The following UBN2 variants were observed in gnomAD, a reference collection of about 807,000 sequenced individuals.
The protein encoded by UBN2 is ubinuclein 2.
Under a neutral mutation model 120.2 loss-of-function variants are expected in UBN2, and 35 were observed. That is an observed-to-expected ratio of 0.29 (90% CI 0.22 to 0.39). The LOEUF (loss-of-function observed/expected upper bound fraction) is 0.39. Among genes scored for constraint, UBN2 ranks in the 10% least tolerant of loss-of-function variants. The pLI is 1.00. For missense variants in UBN2, 1,693 were observed against 1,663.2 expected, an observed-to-expected ratio of 1.02 and a Z score of -0.31; for synonymous variants, 661 against 648.7, an observed-to-expected ratio of 1.02 and a Z score of -0.29.
Position 139,258,506 on chromosome 7 carries a change from G to T in UBN2, c.682G>T (p.Ala228Ser). The change falls in exon 4 of 18, where the codon GCT becomes TCT. Residue 228 changes from alanine (A) to serine (S), a missense_variant. Ala to Ser is a moderately conservative substitution (Grantham distance 99, BLOSUM62 1). Around this residue, in one of 5 missense-constraint regions of UBN2, gnomAD observed 663 missense variants for 591.2 expected, o/e 1.12. Transcript: ENST00000473989. ...AATCTAGTATGATGAATTAGTTCCC[G>T]CTTCTCTAACAACAAAATATGGAGG... ...NSEAYDELVPASLTTKYGGFY... is the reference protein window; with the variant it reads ...NSEAYDELVPSSLTTKYGGFY... The T allele has an allele frequency of 1.3e-6, 2 of 1,593,316 alleles. No homozygotes were observed. The highest frequency in any genetic ancestry group is 2.3e-5 in the South Asian group (2 of 87,960).
chr7:139,240,408 T>G (rs1455617195), intron 2 of UBN2, among the ~76,000 whole-genome samples: 1 of 147,448 alleles, frequency 6.8e-6, no homozygotes, highest in Non-Finnish European at 1.5e-5. Context: ...TTTACAGATA[T>G]GAGCCACTGT....
chr7:139,239,580 A>G (rs1584984796), intron 2 of UBN2, among the ~76,000 whole-genome samples: 2 of 110,794 alleles, frequency 1.8e-5, no homozygotes, highest in East Asian at 5.0e-4. Flanking sequence ...TTTTTGAGGC[A>G]GAGTTTCACT....
In UBN2 at chr7:139,280,928, G is replaced by C. The variant is rs149465823; in HGVS notation, c.2068-1077G>C. ...CAAAGTGTTGGGATTACAGGCATGC[G>C]CCACTATGCCCAGCCAGTAGTCCTC... On this transcript the variant is annotated intron_variant, in intron 13 of 17. Transcript: ENST00000473989. Among the ~76,000 whole-genome samples, 17 of 152,320 alleles carry C rather than the reference G, an allele frequency of 1.1e-4. No homozygotes were observed. In the East Asian group the frequency reaches 3.3e-3, roughly 29 times the overall value.
At chr7:139,285,511 G>A (rs1797757152) in intron 15 of UBN2, among the ~76,000 whole-genome samples, 1 of 152,108 alleles carries the variant, frequency 6.6e-6, no homozygotes, top group African/African-American at 2.4e-5. Flanking sequence ...TAGGATTATG[G>A]AGAAGTCTGA....
chr7:139,294,679 A>G (rs532430186), intron 17 of UBN2, among the ~76,000 whole-genome samples: 9 of 152,276 alleles, frequency 5.9e-5, no homozygotes, highest in African/African-American at 2.2e-4. Flanking sequence ...CGTCTCTATT[A>G]AAAATACAAA....
chr7:139,313,298 A>G, the UBN2 span, among the ~76,000 whole-genome samples: 2 of 152,164 alleles, frequency 1.3e-5, no homozygotes, highest in Non-Finnish European at 2.9e-5. Flanking sequence ...TAAAGCTTTT[A>G]AAACTTCTCT....
chr7:139,255,246 A>C (rs766438343), intron 3 of UBN2, among the ~76,000 whole-genome samples: 2 of 152,250 alleles, frequency 1.3e-5, no homozygotes, highest in Non-Finnish European at 2.9e-5. Context: ...CTTTTATAGC[A>C]TTTAGGATAT....
intron 15 of UBN2, among the ~76,000 whole-genome samples, chr7:139,285,788 G>C (rs570291256): frequency 4.6e-5 from 7 of 151,610 alleles, no homozygotes; most frequent in Non-Finnish European, 8.8e-5. Context: ...TGTCGTCCAC[G>C]CTGGAGGGCA....
At position 139,293,227 on chromosome 7, in the gene UBN2, C is replaced by T; in HGVS notation, c.3670-5C>T. On this transcript the variant is annotated splice_region_variant and splice_polypyrimidine_tract_variant and intron_variant, in intron 15 of 17. Coordinates refer to ENST00000473989, the MANE Select transcript of UBN2 (RefSeq NM_173569.4). ...TATGTATTTTGACCCCTGGTTTCTG[C>T]ACAGTCCACAGCAGGAGCATCATTA... 6.2e-7 allele frequency: 1 copy of T among 1,612,940 alleles called. No individual in the cohort carries two copies. Among genetic ancestry groups the T allele is most frequent in the South Asian group, 1.1e-5 (1 of 91,052 alleles).
chr7:139,236,734 CTT>C (rs901816567), intron 1 of UBN2, among the ~76,000 whole-genome samples: 1 of 143,570 alleles, frequency 7.0e-6, no homozygotes. Context: ...TATGAACCAA[CTT>C]TTTTTTTTTT....
intron 8 of UBN2, among the ~76,000 whole-genome samples, chr7:139,270,265 A>G (rs969584284): frequency 3.3e-5 from 5 of 151,576 alleles, no homozygotes; most frequent in Non-Finnish European, 7.4e-5. Context: ...CATATAGCAG[A>G]AATACTTTTT....
Position 139,284,554 on chromosome 7 carries a change from G to T in UBN2, c.3649G>T (p.Val1217Leu), listed in dbSNP as rs777675572. Reference protein sequence around the residue: ...HRPSTASGSSVVTASVQSTAG... With the variant: ...HRPSTASGSSLVTASVQSTAG... ...ACCATCCACTGCCTCAGGGTCTTCA[G>T]TGGTAACAGCCAGTGTGCAGGTATG... Residue 1217 changes from valine to leucine, a missense_variant, in exon 15 of 18, where the codon GTG becomes TTG. By Grantham distance (32) the Val-to-Leu change is conservative. Around this residue, in one of 5 missense-constraint regions of UBN2, gnomAD observed 837 missense variants for 817.6 expected, o/e 1.02. Coordinates refer to ENST00000473989, the MANE Select transcript of UBN2 (RefSeq NM_173569.4). The T allele has an allele frequency of 1.2e-6, 2 of 1,611,908 alleles. No individual in the cohort carries two copies. Among genetic ancestry groups the T allele is most frequent in the East Asian group, 2.2e-5 (1 of 44,840 alleles).
the UBN2 span, among the ~76,000 whole-genome samples, chr7:139,322,812 A>T: frequency 6.6e-6 from 1 of 152,052 alleles, no homozygotes; most frequent in Non-Finnish European, 1.5e-5. Flanking sequence ...TGCTGGGATT[A>T]CAGGCTTGGG....
intron 3 of UBN2, among the ~76,000 whole-genome samples, chr7:139,253,653 T>C (rs1796680069): frequency 6.6e-6 from 1 of 152,190 alleles, no homozygotes; most frequent in Non-Finnish European, 1.5e-5. Context: ...GGAAAAGGAA[T>C]TTAGGAGAGC....
chr7:139,266,408 G>T lies in UBN2; in HGVS notation c.1466+5G>T. 7.1e-7 allele frequency: 1 copy of T among 1,416,984 alleles called. No individual in the cohort carries two copies. Among genetic ancestry groups the T allele is most frequent in the Non-Finnish European group, 9.7e-7 (1 of 1,028,432 alleles). The allele number at this position is 1,416,984 out of a possible 1,614,324, so 87.8% of individuals were successfully genotyped here. On this transcript the variant is annotated splice_donor_5th_base_variant and intron_variant, in intron 7 of 17. Transcript: ENST00000473989. Reference sequence around the variant, plus strand: ...TATGAATAATATTCTTCTGGAGTAAGTAATTTTCTTTAAAAAAAAAAACCT... The same window carrying T: ...TATGAATAATATTCTTCTGGAGTAATTAATTTTCTTTAAAAAAAAAAACCT...
chr7:139,260,413 T>A (rs1199091582), intron 5 of UBN2, among the ~76,000 whole-genome samples: 2 of 152,220 alleles, frequency 1.3e-5, no homozygotes, highest in Non-Finnish European at 2.9e-5. Context: ...ATAGCTATTA[T>A]TAATGATATT....
At chr7:139,287,335 AATTTTATAAAAAATTG>A (rs1464058450) in intron 15 of UBN2, among the ~76,000 whole-genome samples, 2 of 152,196 alleles carry the variant, frequency 1.3e-5, no homozygotes, top group Admixed American at 6.5e-5. Flanking sequence ...TGATTTTATC[AATTTTATAAAAAATTG>A]GGGAGTTATT....
chr7:139,287,465 A>G (rs1050502308), intron 15 of UBN2, among the ~76,000 whole-genome samples: 2 of 152,056 alleles, frequency 1.3e-5, no homozygotes, highest in African/African-American at 4.8e-5. Flanking sequence ...TGTCAGTTCT[A>G]TTTTGTTCCC....
At chr7:139,289,083 G>A (rs1475540997) in intron 15 of UBN2, among the ~76,000 whole-genome samples, 1 of 151,498 alleles carries the variant, frequency 6.6e-6, no homozygotes, top group Non-Finnish European at 1.5e-5. Flanking sequence ...GGAATAAAAT[G>A]TAGAGGTCAC....
Sources: allele counts gnomAD v4.1 joint callset (sites outside exome capture counted in the v4.1 genomes callset), GRCh38; gene constraint gnomAD v4.1.1; regional missense constraint gnomAD v4.1.1; transcripts MANE v1.5; gene names NCBI Gene and HGNC (gene_info 2026-07-23, HGNC 2026-07-21).